SEPSECS: variants seen among roughly 807,000 people sequenced by gnomAD.
The protein encoded by SEPSECS is O-phosphoseryl-tRNA(Sec) selenium transferase.
A neutral mutation model predicts 52.1 loss-of-function variants in SEPSECS; 42 were observed. The observed-to-expected ratio is 0.81, with a 90% CI of 0.63 to 1.04. The LOEUF is 1.04. SEPSECS is among the 50% of genes least tolerant of loss of function. The probability of loss-of-function intolerance (pLI) is 0.00; values close to 1 mark genes in which losing one functional copy is unlikely to be tolerated. For missense variants in SEPSECS, 590 were observed against 610.6 expected (o/e 0.97, Z 0.36); for synonymous variants, 216 against 211.4 (o/e 1.02, Z -0.19).
chr4:25,159,811 A>C (rs550844097), intron 1 of SEPSECS: 492 of 1,094,492 alleles, frequency 4.5e-4, no homozygotes, highest in Non-Finnish European at 5.1e-4. Flanking sequence ...TGAAATTAAA[A>C]TACATGAACG....
intron 8 of SEPSECS, among the ~76,000 whole-genome samples, chr4:25,139,603 C>G (rs928999586): frequency 5.3e-5 from 8 of 152,060 alleles, no homozygotes. Flanking sequence ...CCAGGATGGT[C>G]TCAATCTCTT....
At position 25,123,839 on chromosome 4, in the gene SEPSECS, A is replaced by G; in HGVS notation, c.*92T>C. The G allele has an allele frequency of 8.7e-7, 1 of 1,152,936 alleles. No homozygotes were observed. The highest frequency in any genetic ancestry group is 1.3e-5 in the South Asian group (1 of 79,900). The allele number at this position is 1,152,936 out of a possible 1,614,324, so 71.4% of individuals were successfully genotyped here. Reference sequence around the variant, plus strand: ...ACTGAATATTCCCATGAAATTCTCAATTCAAAAATCTCAAGTCTTATCTTT... The same window carrying G: ...ACTGAATATTCCCATGAAATTCTCAGTTCAAAAATCTCAAGTCTTATCTTT... On this transcript the variant is annotated 3_prime_UTR_variant, in exon 11 of 11. Transcript: ENST00000382103.
At chr4:25,143,768 A>T (rs891605841) in intron 8 of SEPSECS, among the ~76,000 whole-genome samples, 2 of 152,222 alleles carry the variant, frequency 1.3e-5, no homozygotes, top group African/African-American at 4.8e-5. Flanking sequence ...GATAATACAT[A>T]TGAAAATGCT....
intron 10 of SEPSECS, chr4:25,125,465 A>G (rs1295325389): frequency 1.8e-6 from 1 of 546,068 alleles, no homozygotes. Flanking sequence ...CTGTACATCT[A>G]TGAAAACAAA....
intron 8 of SEPSECS, among the ~76,000 whole-genome samples, chr4:25,144,405 A>C (rs1407835747): frequency 6.6e-6 from 1 of 151,802 alleles, no homozygotes; most frequent in Non-Finnish European, 1.5e-5. Context: ...ACTCCTAAAC[A>C]ATTTTCAAGT....
At chr4:25,138,191 A>G (rs1244748902) in intron 8 of SEPSECS, among the ~76,000 whole-genome samples, 6 of 152,344 alleles carry the variant, frequency 3.9e-5, no homozygotes, top group Middle Eastern at 3.4e-3. Flanking sequence ...AAACCTGCAC[A>G]TCCTGTACAT....
At position 25,134,717 on chromosome 4, in the gene SEPSECS, T is replaced by C. The variant is rs568180852; in HGVS notation, c.1027-7360A>G. On this transcript the variant is annotated intron_variant, in intron 8 of 10. Transcript: ENST00000382103. ...TTAGTTTATTGTAGTAAATATGGCATATTATTATTTTTATTTATGGTTTCG... is the reference window on the plus strand; with the variant it reads ...TTAGTTTATTGTAGTAAATATGGCACATTATTATTTTTATTTATGGTTTCG... 7.0e-4 allele frequency among the ~76,000 whole-genome samples: 106 copies of C among 152,336 alleles called. 2 individuals are homozygous for C. In the South Asian group the frequency reaches 0.021, roughly 30 times the overall value.
intron 5 of SEPSECS, 109 bp from the exon 6 acceptor site, chr4:25,152,171 G>GA (rs1712345864): frequency 3.1e-6 from 2 of 653,276 alleles, no homozygotes; most frequent in East Asian, 2.9e-5. Context: ...TACACCAAAG[G>GA]AAAAAAACGA....
At chr4:25,135,765 TA>T (rs773795366) in intron 8 of SEPSECS, among the ~76,000 whole-genome samples, 18 of 152,144 alleles carry the variant, frequency 1.2e-4, no homozygotes, top group Non-Finnish European at 2.2e-4. Context: ...TTCAGGCCAA[TA>T]TCCCTGATGA....
At chr4:25,129,949 T>C (rs996490869) in intron 8 of SEPSECS, among the ~76,000 whole-genome samples, 4 of 152,226 alleles carry the variant, frequency 2.6e-5, no homozygotes, top group Non-Finnish European at 4.4e-5. Context: ...TCTTCACTTA[T>C]ATAATTCACC....
intron 9 of SEPSECS, 103 bp downstream of exon 9, chr4:25,127,161 A>G (rs539784735): frequency 1.4e-6 from 1 of 725,728 alleles, no homozygotes; most frequent in Admixed American, 2.6e-5. Context: ...GAATTTATAA[A>G]TATCATTATA....
At chr4:25,153,960 C>T (rs923968482) in intron 5 of SEPSECS, among the ~76,000 whole-genome samples, 5 of 151,956 alleles carry the variant, frequency 3.3e-5, no homozygotes, top group Non-Finnish European at 5.9e-5. Flanking sequence ...ATAAATAATC[C>T]AACTAACACA....
intron 4 of SEPSECS, 98 bp from the exon 5 acceptor site, chr4:25,155,249 A>G (rs2109032997): frequency 1.5e-6 from 2 of 1,315,736 alleles, no homozygotes. Context: ...AAGAACTCTT[A>G]ATATTTATTT....
chr4:25,145,604 T>C (rs11936872), intron 6 of SEPSECS, among the ~76,000 whole-genome samples: 11,859 of 152,218 alleles, frequency 0.078, 597 homozygotes, highest in African/African-American at 0.14. Flanking sequence ...TAAAATTTGA[T>C]AAGAAAGAAT....
At chr4:25,157,817 T>C (rs1163511646) in intron 2 of SEPSECS, among the ~76,000 whole-genome samples, 2 of 152,144 alleles carry the variant, frequency 1.3e-5, no homozygotes, top group African/African-American at 4.8e-5. Flanking sequence ...AGTGCTGAGA[T>C]TACCGGCGTG....
At chr4:25,134,248 G>GT (rs951483858) in intron 8 of SEPSECS, among the ~76,000 whole-genome samples, 5 of 151,752 alleles carry the variant, frequency 3.3e-5, no homozygotes, top group Non-Finnish European at 2.9e-5. Context: ...GGAGGCTGAG[G>GT]TGGGAGGACT....
At chr4:25,159,609 T>G in intron 1 of SEPSECS, 1 of 389,992 alleles carries the variant, frequency 2.6e-6, no homozygotes, top group Non-Finnish European at 5.2e-6. Context: ...CCATCTCTAC[T>G]AAAAATACAA....
chr4:25,134,124 C>CA (rs34672005), intron 8 of SEPSECS, among the ~76,000 whole-genome samples: 1,634 of 13,166 alleles, frequency 0.12, 472 homozygotes, highest in African/African-American at 0.23. Flanking sequence ...GACCCCATCT[C>CA]AAAAAAAAAA....
chr4:25,124,873 G>T (rs911717739), intron 10 of SEPSECS, among the ~76,000 whole-genome samples: 12 of 151,896 alleles, frequency 7.9e-5, no homozygotes, highest in African/African-American at 2.4e-4. Context: ...GATATAAGCA[G>T]ATTTCTAATA....
Sources: allele counts gnomAD v4.1 joint callset (sites outside exome capture counted in the v4.1 genomes callset), GRCh38; gene constraint gnomAD v4.1.1; transcripts MANE v1.5; gene names NCBI Gene and HGNC (gene_info 2026-07-23, HGNC 2026-07-21).